XXYLT1: variants seen among roughly 807,000 people sequenced by gnomAD.
The protein encoded by XXYLT1 is UDP-xylose:alpha-xyloside alpha-1,3-xylosyltransferase.
In XXYLT1, 20 loss-of-function variants were observed where a neutral mutation model predicts 28.9. The observed-to-expected ratio is 0.69, with a 90% CI of 0.49 to 1.00. XXYLT1 has a LOEUF of 1.00. Among genes scored for constraint, XXYLT1 ranks in the 50% least tolerant of loss-of-function variants. The probability of loss-of-function intolerance (pLI) is 0.00; values close to 1 mark genes in which losing one functional copy is unlikely to be tolerated. For missense variants in XXYLT1, 542 were observed against 560.1 expected (o/e 0.97, Z 0.33); for synonymous variants, 257 against 253.8 (o/e 1.01, Z -0.12).
At chr3:195,196,746 A>G (rs1722641400) in intron 2 of XXYLT1, among the ~76,000 whole-genome samples, 2 of 152,224 alleles carry the variant, frequency 1.3e-5, no homozygotes, top group Admixed American at 6.5e-5. Context: ...AGAAAAGAAG[A>G]TAACTGAAAA....
At chr3:195,254,352 A>G (rs1480226763) in intron 1 of XXYLT1, among the ~76,000 whole-genome samples, 1 of 152,224 alleles carries the variant, frequency 6.6e-6, no homozygotes, top group Non-Finnish European at 1.5e-5. Flanking sequence ...TCAAAGTACC[A>G]TCTGCTCCTG....
At position 195,255,335 on chromosome 3, in the gene XXYLT1, G is replaced by A. The variant is rs564164719; in HGVS notation, c.504+15220C>T. On this transcript the variant is annotated intron_variant, in intron 1 of 3. Transcript: ENST00000310380. The surrounding 1 kb of genome is among the most constrained non-coding windows in gnomAD (Gnocchi z 4.5). The stretch of plus-strand genomic sequence containing the variant: ...AGCAGCGGGGTTCCCTACCCCACAC[G>A]GCTCGCACCCACGAGCTCAGCCCCC... 1.1e-4 allele frequency among the ~76,000 whole-genome samples: 17 copies of A among 152,280 alleles called. No homozygotes were observed. The highest frequency in any genetic ancestry group is 2.1e-4 in the Non-Finnish European group (14 of 68,012).
chr3:195,198,324 C>G (rs1469353730), intron 2 of XXYLT1, among the ~76,000 whole-genome samples: 2 of 152,156 alleles, frequency 1.3e-5, no homozygotes, highest in Non-Finnish European at 2.9e-5. Context: ...CATGCAAAGT[C>G]GAACTTCTCT....
chr3:195,109,006 C>G (rs528072827), intron 3 of XXYLT1, among the ~76,000 whole-genome samples: 1 of 152,250 alleles, frequency 6.6e-6, no homozygotes, highest in South Asian at 2.1e-4. Context: ...TTAGTTCTCA[C>G]GAAAACCCCA....
At chr3:195,148,092 G>A (rs911869380) in intron 3 of XXYLT1, 2 of 152,258 alleles carry the variant, frequency 1.3e-5, no homozygotes, top group Non-Finnish European at 2.9e-5. Flanking sequence ...CTGCCCGGGA[G>A]GCAGAGCCAT....
chr3:195,090,241 A>G (rs1716055926), intron 3 of XXYLT1, among the ~76,000 whole-genome samples: 1 of 151,708 alleles, frequency 6.6e-6, no homozygotes, highest in East Asian at 1.9e-4. Flanking sequence ...TCAGCACCAC[A>G]CCACACCTAC....
At chr3:195,270,460 C>G in intron 1 of XXYLT1, 95 bp downstream of exon 1, 1 of 1,342,426 alleles carries the variant, frequency 7.4e-7, no homozygotes, top group South Asian at 1.9e-5. Flanking sequence ...AGATCCTACC[C>G]GCTAGTTCCC....
At chr3:195,109,993 G>C (rs2108691352) in intron 3 of XXYLT1, among the ~76,000 whole-genome samples, 1 of 56,548 alleles carries the variant, frequency 1.8e-5, no homozygotes, top group African/African-American at 5.0e-5. Context: ...GTGGGGGTGT[G>C]TGCATGGTGT....
At chr3:195,138,857 G>GAAAAAAAAA (rs552573280) in intron 3 of XXYLT1, among the ~76,000 whole-genome samples, 1 of 84,154 alleles carries the variant, frequency 1.2e-5, no homozygotes, top group East Asian at 3.0e-4. Flanking sequence ...TCTGCCTCAG[G>GAAAAAAAAA]AAAAAAAAAA....
intron 3 of XXYLT1, among the ~76,000 whole-genome samples, chr3:195,145,776 T>C (rs528751379): frequency 6.6e-6 from 1 of 152,328 alleles, no homozygotes; most frequent in East Asian, 1.9e-4. Context: ...CACGACATAC[T>C]ACGCCAATTC....
At chr3:195,212,433 CCA>C (rs1321554834) in intron 2 of XXYLT1, among the ~76,000 whole-genome samples, 1 of 152,194 alleles carries the variant, frequency 6.6e-6, no homozygotes, top group African/African-American at 2.4e-5. Flanking sequence ...AGGCTGGGTT[CCA>C]GTTTCCCAGG....
rs896036841 is a variant in XXYLT1, at chr3:195,077,699, G to C, written c.786-7588C>G. On this transcript the variant is annotated intron_variant, in intron 3 of 3. Coordinates refer to ENST00000310380, the MANE Select transcript of XXYLT1 (RefSeq NM_152531.5). This position sits in a 1 kb window ranked among gnomAD's most constrained non-coding sequence, Gnocchi z 4.8. ...ATGGCAAGGCCTCTGACCTGGTGCA[G>C]GGCAGCCCTTCAGCCCCCTGCAGGC... Among the ~76,000 whole-genome samples, 1 of 152,204 alleles carries C rather than the reference G, an allele frequency of 6.6e-6. No individual in the cohort carries two copies. Among genetic ancestry groups the C allele is most frequent in the Non-Finnish European group, 1.5e-5 (1 of 68,018 alleles).
intron 2 of XXYLT1, among the ~76,000 whole-genome samples, 170 bp from the exon 3 acceptor site, chr3:195,156,751 C>T (rs1378276181): frequency 6.6e-6 from 1 of 152,176 alleles, no homozygotes; most frequent in Non-Finnish European, 1.5e-5. Context: ...ACCAGCAACC[C>T]CTCCACACTA....
At chr3:195,261,788 G>C (rs1054539919) in intron 1 of XXYLT1, among the ~76,000 whole-genome samples, 4 of 152,154 alleles carry the variant, frequency 2.6e-5, no homozygotes, top group Admixed American at 2.0e-4. Flanking sequence ...TTTGTCATTA[G>C]GGAAATGCAG....
intron 1 of XXYLT1, among the ~76,000 whole-genome samples, chr3:195,244,384 G>A (rs1171362184): frequency 1.3e-5 from 2 of 152,192 alleles, no homozygotes; most frequent in Non-Finnish European, 2.9e-5. Context: ...TTGCTGGGGA[G>A]ACTTATTAAA....
At chr3:195,202,591 A>T (rs1362093095) in intron 2 of XXYLT1, among the ~76,000 whole-genome samples, 2 of 152,178 alleles carry the variant, frequency 1.3e-5, no homozygotes, top group African/African-American at 4.8e-5. Context: ...TTCAGCTTTC[A>T]CTGCCACATA....
intron 3 of XXYLT1, among the ~76,000 whole-genome samples, chr3:195,100,111 C>T (rs1577024930): frequency 6.6e-6 from 1 of 152,162 alleles, no homozygotes; most frequent in African/African-American, 2.4e-5. Context: ...ATAAAGCTGT[C>T]TGAGATCCTG....
intron 2 of XXYLT1, among the ~76,000 whole-genome samples, chr3:195,213,120 T>C (rs987047157): frequency 6.6e-6 from 1 of 152,332 alleles, no homozygotes; most frequent in Admixed American, 6.5e-5. Flanking sequence ...CGACATGCTC[T>C]ATTGGCAGGG....
rs535745961 is a variant in XXYLT1 at position 195,083,040 on chromosome 3, ACT to A, written c.786-12931_786-12930del. On this transcript the variant is annotated intron_variant, in intron 3 of 3. Transcript: ENST00000310380. ...CCAGCCGAATTCCACAAAGCCCCTG[ACT>A]CTGTGACAACGCTCAACCCTCCGGA... Among the ~76,000 whole-genome samples the A allele has an allele frequency of 1.4e-3, 211 of 152,108 alleles. 1 individual carries two copies. Among genetic ancestry groups the A allele is most frequent in the African/African-American group, 4.4e-3 (184 of 41,492 alleles).
Sources: allele counts gnomAD v4.1 joint callset (sites outside exome capture counted in the v4.1 genomes callset), GRCh38; gene constraint gnomAD v4.1.1; non-coding constraint Gnocchi (gnomAD v3.1); transcripts MANE v1.5; gene names NCBI Gene and HGNC (gene_info 2026-07-23, HGNC 2026-07-21).